Variants in XKR9 observed in about 807,000 individuals in gnomAD.
The protein encoded by XKR9 is XK related 9, also known as XK-related protein 9.
A neutral mutation model predicts 32.0 loss-of-function variants in XKR9; 32 were observed. The observed-to-expected ratio is 1.00, with a 90% CI of 0.76 to 1.34. XKR9 has a LOEUF of 1.34. Among genes scored for constraint, XKR9 ranks in the 40% most tolerant of loss-of-function variants. XKR9 has a pLI of 0.00. For synonymous variants in XKR9, 168 were observed against 143.4 expected (o/e 1.17, Z -1.22); for missense variants, 546 against 429.7 (o/e 1.27, Z -2.39).
chr8:70,701,244 C>G (rs1360793460), intron 3 of XKR9, among the ~76,000 whole-genome samples: 3 of 152,206 alleles, frequency 2.0e-5, no homozygotes, highest in Non-Finnish European at 4.4e-5. Context: ...CACGGTACCT[C>G]AGACGGAAAT....
chr8:70,892,738 A>G, the XKR9 span, among the ~76,000 whole-genome samples: 17 of 151,704 alleles, frequency 1.1e-4, no homozygotes, highest in Admixed American at 9.2e-4. Context: ...ATGTGACTTG[A>G]CTCTATTCTC....
the XKR9 span, among the ~76,000 whole-genome samples, chr8:70,963,936 T>A: frequency 1.3e-5 from 2 of 152,218 alleles, no homozygotes; most frequent in Non-Finnish European, 2.9e-5. Context: ...CTGATGATAG[T>A]TTCTTTTGGT....
intron 2 of XKR9, among the ~76,000 whole-genome samples, chr8:70,759,617 C>A (rs1426782428): frequency 6.6e-6 from 1 of 152,006 alleles, no homozygotes; most frequent in Non-Finnish European, 1.5e-5. Context: ...AGATAATAAG[C>A]TATTTCTTCT....
chr8:71,063,457 T>C, the XKR9 span, among the ~76,000 whole-genome samples: 28 of 152,192 alleles, frequency 1.8e-4, no homozygotes, highest in African/African-American at 6.7e-4. Context: ...TGCATGTGGG[T>C]TGAGAAGTGT....
the XKR9 span, among the ~76,000 whole-genome samples, chr8:70,976,957 G>T: frequency 2.6e-5 from 4 of 152,176 alleles, no homozygotes; most frequent in Admixed American, 1.3e-4. Context: ...GAGGGTATAT[G>T]TGTCCAGGAA....
intron 2 of XKR9, among the ~76,000 whole-genome samples, chr8:70,744,402 G>C (rs1807029323): frequency 6.6e-6 from 1 of 152,034 alleles, no homozygotes; most frequent in Admixed American, 6.6e-5. Context: ...TTATGACCCT[G>C]ATAAAAACTG....
intron 3 of XKR9, among the ~76,000 whole-genome samples, chr8:70,703,953 TG>T (rs1397980479): frequency 2.0e-5 from 3 of 152,008 alleles, no homozygotes; most frequent in Non-Finnish European, 4.4e-5. Flanking sequence ...GAGCCTGAGG[TG>T]GGTGGATCAT....
the XKR9 span, among the ~76,000 whole-genome samples, chr8:70,944,090 T>A: frequency 6.6e-6 from 1 of 152,148 alleles, no homozygotes; most frequent in East Asian, 1.9e-4. Context: ...GTTCCTCTTT[T>A]GCATATGTTA....
At chr8:70,746,402 ATAAAG>A (rs1807059863) in intron 2 of XKR9, among the ~76,000 whole-genome samples, 2 of 143,110 alleles carry the variant, frequency 1.4e-5, no homozygotes, top group African/African-American at 5.5e-5. Context: ...TACAAAACAA[ATAAAG>A]TAAAATATAT....
At chr8:70,809,304 T>A in the XKR9 span, among the ~76,000 whole-genome samples, 1 of 151,922 alleles carries the variant, frequency 6.6e-6, no homozygotes, top group African/African-American at 2.4e-5. Flanking sequence ...TACGTCACCA[T>A]CATCAAAGAC....
At chr8:70,833,628 T>C in the XKR9 span, among the ~76,000 whole-genome samples, 1 of 152,188 alleles carries the variant, frequency 6.6e-6, no homozygotes, top group African/African-American at 2.4e-5. Context: ...TAGAACCATG[T>C]AGGGAAATTT....
At chr8:70,687,393 CTT>C (rs1461420338) in intron 3 of XKR9, among the ~76,000 whole-genome samples, 1 of 106,952 alleles carries the variant, frequency 9.3e-6, no homozygotes, top group African/African-American at 3.7e-5. Context: ...TTCTCTTTCT[CTT>C]TCTCTCTCTC....
At chr8:70,953,452 C>T in the XKR9 span, among the ~76,000 whole-genome samples, 1 of 152,130 alleles carries the variant, frequency 6.6e-6, no homozygotes. Context: ...GCTAGGACTA[C>T]AGGTGTGCAC....
At chr8:70,841,408 A>G in the XKR9 span, among the ~76,000 whole-genome samples, 1 of 152,194 alleles carries the variant, frequency 6.6e-6, no homozygotes, top group Non-Finnish European at 1.5e-5. Context: ...TTGAGATTTA[A>G]AAATTAATTT....
At chr8:70,992,421 C>T in the XKR9 span, among the ~76,000 whole-genome samples, 3 of 151,966 alleles carry the variant, frequency 2.0e-5, no homozygotes, top group South Asian at 4.2e-4. Context: ...TGGTGTCCAG[C>T]GACCACTCAC....
chr8:70,822,168 T>C, the XKR9 span, among the ~76,000 whole-genome samples: 1 of 152,172 alleles, frequency 6.6e-6, no homozygotes, highest in African/African-American at 2.4e-5. Context: ...TAAAGGAAAA[T>C]AGAAGCACCT....
the XKR9 span, among the ~76,000 whole-genome samples, chr8:70,989,266 T>A: frequency 1.3e-5 from 2 of 152,226 alleles, no homozygotes. Context: ...GCAAAAATTT[T>A]ATGGTAAATT....
chr8:70,977,110 T>A, the XKR9 span, among the ~76,000 whole-genome samples: 1 of 152,214 alleles, frequency 6.6e-6, no homozygotes, highest in African/African-American at 2.4e-5. Flanking sequence ...CTTCTCTTTT[T>A]CTTCTTTGTT....
At chr8:70,975,310 C>T in the XKR9 span, among the ~76,000 whole-genome samples, 1 of 152,126 alleles carries the variant, frequency 6.6e-6, no homozygotes, top group African/African-American at 2.4e-5. Context: ...TCATGAAGTC[C>T]TTGCCCATGC....
Sources: gnomAD v4.1 joint callset for allele counts (sites outside exome capture counted in the v4.1 genomes callset) on GRCh38, gnomAD v4.1.1 for gene constraint, MANE v1.5 for transcripts, NCBI Gene and HGNC (gene_info 2026-07-23, HGNC 2026-07-21) for gene names.